The following CSDE1 variants were observed in gnomAD, a reference collection of about 807,000 sequenced individuals.
CSDE1 encodes the protein cold shock domain-containing protein E1.
A neutral mutation model predicts 89.3 loss-of-function variants in CSDE1; 17 were observed. That is an observed-to-expected ratio of 0.19 (90% CI 0.13 to 0.29). The LOEUF (loss-of-function observed/expected upper bound fraction) is 0.29. CSDE1 is among the 10% of genes least tolerant of loss of function. The pLI is 1.00. For missense variants in CSDE1, 672 were observed against 984.2 expected (o/e 0.68, Z 4.24); for synonymous variants, 322 against 332.8 (o/e 0.97, Z 0.35).
In CSDE1 at chr1:114,739,853, T is replaced by C. The variant is rs779270331; in HGVS notation, c.38A>G (p.His13Arg). The change falls in exon 3 of 20, where the codon CAT (histidine) becomes CGT (arginine). Residue 13 changes from histidine (H) to arginine (R), a missense_variant. This residue lies in a region of CSDE1 where 26 missense variants were observed against 24.3 expected (regional missense o/e 1.07). Transcript: ENST00000358528. ...FDPNLLHNNG[H>R]NGYPNGTSAA... Reference sequence around the variant, plus strand: ...TGAAGTACCATTAGGGTACCCATTATGTCCATTGTTGTGGAGAAGGTTTGG... The same window carrying C: ...TGAAGTACCATTAGGGTACCCATTACGTCCATTGTTGTGGAGAAGGTTTGG... 3.1e-6 allele frequency: 5 copies of C among 1,613,998 alleles called. No homozygotes were observed. The highest frequency in any genetic ancestry group is 3.3e-5 in the Admixed American group (2 of 60,004).
intron 12 of CSDE1, 85 bp downstream of exon 12, chr1:114,730,173 A>C (rs142758437): frequency 9.4e-5 from 134 of 1,425,046 alleles, no homozygotes; most frequent in Non-Finnish European, 1.3e-4. Flanking sequence ...ACTTCCGCTG[A>C]TTATATGTAC....
intron 15 of CSDE1, 60 bp from the exon 16 acceptor site, chr1:114,724,062 C>T: frequency 1.3e-6 from 2 of 1,543,200 alleles, no homozygotes; most frequent in Non-Finnish European, 1.8e-6. Context: ...CATAGAAAGA[C>T]AAGTAAGCAA....
At position 114,757,929 on chromosome 1, in the gene CSDE1, A is replaced by G. The variant is rs1661708323; in HGVS notation, c.-392T>C. The stretch of plus-strand genomic sequence containing the variant: ...GGACCCTGAGGTCGTACTCACCCCA[A>G]CAGCTCAGCGCCCCCTCTCCAGCGC... On this transcript the variant is annotated 5_prime_UTR_variant, in exon 1 of 20. Transcript: ENST00000358528. 6.6e-6 allele frequency: 1 copy of G among 152,600 alleles called. No homozygotes were observed. Among genetic ancestry groups the G allele is most frequent in the African/African-American group, 2.4e-5 (1 of 41,328 alleles). The allele number at this position is 152,600 out of a possible 1,614,324, so 9.5% of individuals were successfully genotyped here. A position where few individuals can be genotyped will look rare whatever the true frequency, so the allele number is the denominator to read the frequency against.
intron 5 of CSDE1, among the ~76,000 whole-genome samples, 160 bp from the exon 6 acceptor site, chr1:114,737,015 T>TCC (rs1244596422): frequency 6.6e-6 from 1 of 151,938 alleles, no homozygotes; most frequent in Admixed American, 6.6e-5. Flanking sequence ...AACACACACT[T>TCC]CCCCTCCATG....
In CSDE1 at chr1:114,716,983, A is replaced by G. The variant is rs1659208371; in HGVS notation, c.*1186T>C. The stretch of plus-strand genomic sequence containing the variant: ...TTCGCCATTAACAGAAAACTGGAGA[A>G]AGCAAAAATGTTTCGTGTTTACAAA... On this transcript the variant is annotated 3_prime_UTR_variant, in exon 20 of 20. Coordinates refer to ENST00000358528, the MANE Select transcript of CSDE1 (RefSeq NM_001007553.3). The G allele has an allele frequency of 6.5e-6, 1 of 152,722 alleles. No individual in the cohort carries two copies. The highest frequency in any genetic ancestry group is 1.5e-5 in the Non-Finnish European group (1 of 68,070). The allele number at this position is 152,722 out of a possible 1,614,324, so 9.5% of individuals were successfully genotyped here.
At chr1:114,720,143 G>C (rs774516247) in intron 17 of CSDE1, 19 of 210,788 alleles carry the variant, frequency 9.0e-5, no homozygotes, top group Non-Finnish European at 1.3e-4. Flanking sequence ...ATTTCCCTGA[G>C]ATCTCAGGAG....
chr1:114,757,382 G>A (rs1334230687), intron 1 of CSDE1, among the ~76,000 whole-genome samples: 1 of 152,096 alleles, frequency 6.6e-6, no homozygotes, highest in Non-Finnish European at 1.5e-5. Context: ...GGTACTGGTA[G>A]TCAGATTCCC....
At chr1:114,729,775 A>C (rs1660005119) in intron 12 of CSDE1, among the ~76,000 whole-genome samples, 1 of 152,214 alleles carries the variant, frequency 6.6e-6, no homozygotes, top group African/African-American at 2.4e-5. Flanking sequence ...AGGAGAATTC[A>C]TCTCAGACAT....
At chr1:114,720,286 T>G (rs2101007337) in intron 17 of CSDE1, 1 of 386,804 alleles carries the variant, frequency 2.6e-6, no homozygotes, top group East Asian at 4.3e-5. Flanking sequence ...TCTGGAAATC[T>G]CACCCCTAAC....
intron 12 of CSDE1, among the ~76,000 whole-genome samples, chr1:114,727,540 TAAC>T (rs946204212): frequency 1.8e-4 from 27 of 152,302 alleles, no homozygotes; most frequent in Admixed American, 1.2e-3. Context: ...TCAATATACT[TAAC>T]AATGCAGGAT....
intron 18 of CSDE1, 160 bp from the exon 19 acceptor site, chr1:114,718,905 T>A: frequency 1.4e-6 from 1 of 726,462 alleles, no homozygotes; most frequent in Non-Finnish European, 2.2e-6. Flanking sequence ...CAGACAAGTT[T>A]GTTTATGTAT....
chr1:114,732,862 CCTAGTT>C (rs768460529), intron 9 of CSDE1, 46 bp from the exon 10 acceptor site: 1 of 1,486,544 alleles, frequency 6.7e-7, no homozygotes, highest in Non-Finnish European at 9.4e-7. Context: ...TCTCATCCTT[CCTAGTT>C]CTAAGTCAAA....
chr1:114,726,520 T>C (rs771394243), intron 13 of CSDE1, 134 bp from the exon 14 acceptor site: 28 of 676,438 alleles, frequency 4.1e-5, no homozygotes, highest in East Asian at 1.5e-4. Context: ...TTCAATGAAA[T>C]TGATTTTCAC....
intron 2 of CSDE1, among the ~76,000 whole-genome samples, chr1:114,745,998 TACA>T (rs1660992000): frequency 6.6e-6 from 1 of 152,214 alleles, no homozygotes; most frequent in African/African-American, 2.4e-5. Context: ...TGTAATTTAT[TACA>T]ACATCTAAGT....
chr1:114,747,389 C>A (rs1379880084), intron 2 of CSDE1, among the ~76,000 whole-genome samples: 2 of 152,156 alleles, frequency 1.3e-5, no homozygotes, highest in Non-Finnish European at 1.5e-5. Flanking sequence ...TAATCTTCAT[C>A]CCAATTGTGG....
chr1:114,721,420 A>G (rs1358385830), intron 16 of CSDE1, among the ~76,000 whole-genome samples: 1 of 152,196 alleles, frequency 6.6e-6, no homozygotes, highest in East Asian at 1.9e-4. Flanking sequence ...AGTTGCCTGG[A>G]GCCCGGTGCA....
chr1:114,734,556 G>T, intron 6 of CSDE1, 33 bp from the exon 7 acceptor site: 2 of 1,556,480 alleles, frequency 1.3e-6, no homozygotes, highest in Non-Finnish European at 1.8e-6. Context: ...GAGGAGGAAT[G>T]AAACAGGGAT....
At chr1:114,735,053 TAA>T (rs1382691909) in intron 6 of CSDE1, among the ~76,000 whole-genome samples, 1 of 152,210 alleles carries the variant, frequency 6.6e-6, no homozygotes, top group Non-Finnish European at 1.5e-5. Flanking sequence ...TAAACAGCCA[TAA>T]AAGTTGAGTA....
chr1:114,723,020 T>C (rs1659611141), intron 16 of CSDE1, among the ~76,000 whole-genome samples: 1 of 152,156 alleles, frequency 6.6e-6, no homozygotes, highest in African/African-American at 2.4e-5. Context: ...AAAATTTTTT[T>C]ATTATTAGTT....
Sources: gnomAD v4.1 joint callset for allele counts (sites outside exome capture counted in the v4.1 genomes callset) on GRCh38, gnomAD v4.1.1 for gene constraint, gnomAD v4.1.1 regional missense constraint, MANE v1.5 for transcripts, NCBI Gene and HGNC (gene_info 2026-07-23, HGNC 2026-07-21) for gene names.